The following OTUD7B variants were observed in gnomAD, a reference collection of about 807,000 sequenced individuals.
The protein encoded by OTUD7B is OTU deubiquitinase 7B, also known as OTU domain-containing protein 7B.
Under a neutral mutation model 82.2 loss-of-function variants are expected in OTUD7B, and 34 were observed. That is an observed-to-expected ratio of 0.41 (90% confidence interval 0.31 to 0.55). OTUD7B has a LOEUF of 0.55. Ranked by LOEUF, OTUD7B falls within the 20% of genes least tolerant of loss-of-function variation. The pLI, the probability that OTUD7B is intolerant of heterozygous loss-of-function variation, is 0.20. For missense variants in OTUD7B, 944 were observed against 1,062.1 expected (o/e 0.89, Z 1.55); for synonymous variants, 398 against 402.7 (o/e 0.99, Z 0.14).
At chr1:150,050,659 C>T in the OTUD7B span, 1 of 151,994 alleles carries the variant, frequency 6.6e-6, no homozygotes, top group Non-Finnish European at 1.5e-5. Context: ...AGGCTAAATC[C>T]AACACTAAAC....
intron 6 of OTUD7B, among the ~76,000 whole-genome samples, chr1:149,960,743 T>C (rs587606290): frequency 6.6e-6 from 1 of 152,002 alleles, no homozygotes; most frequent in Admixed American, 6.6e-5. Context: ...CACCTGCCCA[T>C]GGCTACCTCA....
At chr1:149,993,543 G>T (rs1553782713) in intron 1 of OTUD7B, among the ~76,000 whole-genome samples, 1 of 152,144 alleles carries the variant, frequency 6.6e-6, no homozygotes, top group East Asian at 1.9e-4. Flanking sequence ...AAAGGTGAGA[G>T]GCTTTTTCAA....
At chr1:149,980,578 G>A (rs1288683503) in intron 1 of OTUD7B, among the ~76,000 whole-genome samples, 1 of 151,872 alleles carries the variant, frequency 6.6e-6, no homozygotes, top group Admixed American at 6.6e-5. Context: ...AAAATTTGCT[G>A]GGTGTGGTGG....
At chr1:149,977,072 G>A (rs1650370103) in intron 2 of OTUD7B, among the ~76,000 whole-genome samples, 3 of 152,150 alleles carry the variant, frequency 2.0e-5, no homozygotes, top group Admixed American at 2.0e-4. Flanking sequence ...AGTGAGCCAA[G>A]ATCATGCCAC....
At chr1:150,055,041 C>CTTTTTTT in the OTUD7B span, 1 of 141,690 alleles carries the variant, frequency 7.1e-6, no homozygotes, top group Non-Finnish European at 1.4e-5. Flanking sequence ...TCTAAATTTC[C>CTTTTTTT]TTTTTTTTTT....
chr1:150,066,677 C>G, the OTUD7B span, among the ~76,000 whole-genome samples: 2 of 152,192 alleles, frequency 1.3e-5, no homozygotes, highest in African/African-American at 4.8e-5. This position sits in a 1 kb window ranked among gnomAD's most constrained non-coding sequence, Gnocchi z 4.6. Flanking sequence ...TGGAAATATT[C>G]ATAAGCATTT....
intron 1 of OTUD7B, among the ~76,000 whole-genome samples, chr1:149,991,649 G>A (rs1651575040): frequency 6.6e-6 from 1 of 152,254 alleles, no homozygotes; most frequent in Non-Finnish European, 1.5e-5. Context: ...CCAGGAGAGT[G>A]AGATTAAGTG....
chr1:149,967,416 G>T lies in OTUD7B; in HGVS notation c.380C>A (p.Pro127His). ...NGGGGGSNEH[P>H]LEMPICAFQL... ...GAAGGCACAGATGGGCATTTCCAGG[G>T]GGTGCTCATTGCTCCCCCCACCCCC... is the stretch of plus-strand genomic sequence containing the variant. Residue 127 changes from proline to histidine, a missense_variant, in exon 4 of 12, where the codon CCC (proline) becomes CAC (histidine). Pro to His is a moderately conservative substitution (Grantham distance 77). This residue lies in a region of OTUD7B where 530 missense variants were observed against 625.6 expected (regional missense o/e 0.85). Transcript: ENST00000581312. The T allele has an allele frequency of 6.2e-7, 1 of 1,614,108 alleles. No homozygotes were observed. Among genetic ancestry groups the T allele is most frequent in the Non-Finnish European group, 8.5e-7 (1 of 1,179,998 alleles).
At chr1:150,018,906 CA>C in the OTUD7B span, among the ~76,000 whole-genome samples, 1 of 152,106 alleles carries the variant, frequency 6.6e-6, no homozygotes, top group Non-Finnish European at 1.5e-5. Context: ...ATGATATCTG[CA>C]GGCCTTTATG....
intron 1 of OTUD7B, among the ~76,000 whole-genome samples, chr1:149,990,445 T>C (rs1209574025): frequency 1.3e-5 from 2 of 152,040 alleles, no homozygotes; most frequent in African/African-American, 4.8e-5. Context: ...AATTGAGAGT[T>C]ATCTACACCT....
intron 1 of OTUD7B, among the ~76,000 whole-genome samples, chr1:149,983,853 T>C (rs587749323): frequency 2.0e-5 from 3 of 152,320 alleles, no homozygotes; most frequent in South Asian, 4.2e-4. Flanking sequence ...AGAAAATTCT[T>C]GCAAAATAGC....
chr1:149,949,826 T>C lies in OTUD7B; in HGVS notation c.974-48A>G. 3.2e-6 allele frequency: 5 copies of C among 1,577,058 alleles called. 1 individual carries two copies. In the South Asian group the frequency reaches 3.4e-5, roughly 11 times the overall value. On this transcript the variant is annotated intron_variant, in intron 8 of 11. Transcript: ENST00000581312. The stretch of plus-strand genomic sequence containing the variant: ...TTATGAAGGCTGTGTTTCTGCCTAG[T>C]GGACAATCCCTACATCCCACTCTGC...
the OTUD7B span, among the ~76,000 whole-genome samples, chr1:150,033,745 G>A: frequency 6.6e-6 from 1 of 151,774 alleles, no homozygotes; most frequent in African/African-American, 2.4e-5. Context: ...TTTTTTTTGA[G>A]ATGGAATCTC....
chr1:150,014,737 G>A (rs1191576859), upstream of OTUD7B, among the ~76,000 whole-genome samples: 2 of 152,096 alleles, frequency 1.3e-5, no homozygotes, highest in East Asian at 1.9e-4. Flanking sequence ...ACAGGCGAAC[G>A]TAATCTTGAA....
Position 149,950,128 on chromosome 1 carries a change from CACG to C in OTUD7B, c.936_938del (p.Val313del). ...CGGAGTCCCTCAGCATGGTGTCTGC[CACG>C]ACGACTATGGGCCTCCTAAGCACAT... is the stretch of plus-strand genomic sequence containing the variant. On this transcript the variant is annotated inframe_deletion, in exon 8 of 12. Transcript: ENST00000581312. 1 of 1,614,084 alleles carries C rather than the reference CACG, an allele frequency of 6.2e-7. No individual in the cohort carries two copies. The highest frequency in any genetic ancestry group is 8.5e-7 in the Non-Finnish European group (1 of 1,180,038).
chr1:149,956,766 C>T (rs1648707748), intron 7 of OTUD7B, among the ~76,000 whole-genome samples: 1 of 152,182 alleles, frequency 6.6e-6, no homozygotes, highest in African/African-American at 2.4e-5. Flanking sequence ...CTTCTCTTCT[C>T]ACTTCATTTC....
intron 1 of OTUD7B, among the ~76,000 whole-genome samples, chr1:150,002,208 C>CT (rs35291427): frequency 1 from 148,640 of 149,188 alleles, 74,046 homozygotes; most frequent in Non-Finnish European, 1. Context: ...TTTAGATATT[C>CT]TTTTTTTTTT....
At chr1:149,984,575 A>C (rs1256500377) in intron 1 of OTUD7B, among the ~76,000 whole-genome samples, 1 of 152,114 alleles carries the variant, frequency 6.6e-6, no homozygotes, top group African/African-American at 2.4e-5. Flanking sequence ...CTTCTCATTG[A>C]AACTTCATTC....
At chr1:150,001,571 T>C (rs1418803596) in intron 1 of OTUD7B, among the ~76,000 whole-genome samples, 3 of 152,190 alleles carry the variant, frequency 2.0e-5, no homozygotes, top group Non-Finnish European at 4.4e-5. Context: ...TTATCTCCCC[T>C]AAAACAGCCA....
Sources: gnomAD v4.1 joint callset for allele counts (sites outside exome capture counted in the v4.1 genomes callset) on GRCh38, gnomAD v4.1.1 for gene constraint, gnomAD v4.1.1 regional missense constraint, Gnocchi (gnomAD v3.1) non-coding constraint, MANE v1.5 for transcripts, NCBI Gene and HGNC (gene_info 2026-07-23, HGNC 2026-07-21) for gene names.